The following MTCH2 variants were observed in gnomAD, a reference collection of about 807,000 sequenced individuals.
The protein encoded by MTCH2 is mitochondrial carrier homolog 2.
MTCH2 carries 25 observed loss-of-function variants against 50.6 expected under a neutral mutation model. The ratio of observed to expected loss-of-function variants is 0.49; its 90% CI spans 0.36 to 0.69. MTCH2 has a LOEUF of 0.69. MTCH2 is among the 30% of genes least tolerant of loss of function. The pLI is 0.00. For missense variants in MTCH2, 273 were observed against 384.4 expected, an observed-to-expected ratio of 0.71 and a Z score of 2.42; for synonymous variants, 106 against 132.0, an observed-to-expected ratio of 0.80 and a Z score of 1.35.
At chr11:47,630,000 T>TA (rs1565969020) in intron 8 of MTCH2, among the ~76,000 whole-genome samples, 1 of 152,022 alleles carries the variant, frequency 6.6e-6, no homozygotes, top group Non-Finnish European at 1.5e-5. Flanking sequence ...AGTCCTTTGT[T>TA]AAAAAAAGAA....
At chr11:47,627,549 T>C (rs1284658057) in intron 9 of MTCH2, among the ~76,000 whole-genome samples, 2 of 152,130 alleles carry the variant, frequency 1.3e-5, no homozygotes, top group African/African-American at 2.4e-5. Context: ...GCTGGAATCA[T>C]AGGCTGGAGC....
chr11:47,636,645 T>C (rs914349332), intron 3 of MTCH2, among the ~76,000 whole-genome samples: 4 of 151,776 alleles, frequency 2.6e-5, no homozygotes, highest in Non-Finnish European at 5.9e-5. Flanking sequence ...GGCAGGAGAA[T>C]TGCTTGAACC....
chr11:47,629,587 A>G lies in MTCH2; in HGVS notation c.540-541T>C, dbSNP rs144784697. Among the ~76,000 whole-genome samples the G allele has an allele frequency of 2.0e-5, 3 of 152,234 alleles. No homozygotes were observed. The East Asian group carries it at 5.8e-4, about 29-fold the overall frequency. On this transcript the variant is annotated intron_variant, in intron 8 of 12. Coordinates refer to ENST00000302503, the MANE Select transcript of MTCH2 (RefSeq NM_014342.4). The stretch of plus-strand genomic sequence containing the variant: ...TCCCCACGGATTGAAGACCAGCTTC[A>G]AATGCCAGCTCCAGCACTCAGCAGC...
At chr11:47,641,710 T>C (rs941072509) in intron 1 of MTCH2, among the ~76,000 whole-genome samples, 2 of 152,206 alleles carry the variant, frequency 1.3e-5, no homozygotes, top group African/African-American at 4.8e-5. Context: ...GCTTCACTAA[T>C]TTCCAGCTCT....
the MTCH2 span, among the ~76,000 whole-genome samples, chr11:47,611,203 C>T: frequency 6.6e-6 from 1 of 152,236 alleles, no homozygotes; most frequent in South Asian, 2.1e-4. Context: ...GAACTCTGCC[C>T]AAGCTACTCA....
At chr11:47,637,932 C>T (rs1324816590) in intron 3 of MTCH2, among the ~76,000 whole-genome samples, 3 of 152,140 alleles carry the variant, frequency 2.0e-5, no homozygotes, top group East Asian at 1.9e-4. Flanking sequence ...CTGTCTTCTA[C>T]ATTTCCTGAA....
At chr11:47,635,722 C>G (rs1002928096) in intron 3 of MTCH2, 151 bp from the exon 4 acceptor site, 14 of 658,650 alleles carry the variant, frequency 2.1e-5, no homozygotes, top group Non-Finnish European at 3.5e-5. Context: ...CTTCAGTTAA[C>G]TTCTACTCAT....
downstream of MTCH2, among the ~76,000 whole-genome samples, chr11:47,613,598 T>C (rs1159960998): frequency 2.6e-5 from 4 of 152,222 alleles, no homozygotes; most frequent in African/African-American, 9.6e-5. Flanking sequence ...AACTTAGCTT[T>C]TCATCTATAT....
In MTCH2 at chr11:47,631,719, C is replaced by A. The variant is rs377150975; in HGVS notation, c.370-8G>T. The A allele has an allele frequency of 1.4e-5, 22 of 1,613,874 alleles. No individual in the cohort carries two copies. The highest frequency in any genetic ancestry group is 3.3e-4 in the Middle Eastern group (2 of 6,060). ...GATCATCTCTCGAGTTGTCTAGAAA[C>A]AATCAACACACACTTCTGAAATCTA... On this transcript the variant is annotated splice_polypyrimidine_tract_variant and splice_region_variant and intron_variant, in intron 5 of 12. Coordinates refer to ENST00000302503, the MANE Select transcript of MTCH2 (RefSeq NM_014342.4).
At chr11:47,621,096 T>C (rs1378318721) in intron 12 of MTCH2, among the ~76,000 whole-genome samples, 1 of 152,156 alleles carries the variant, frequency 6.6e-6, no homozygotes, top group Admixed American at 6.5e-5. Flanking sequence ...CACTGTACAA[T>C]AGAGAGTAAA....
intron 8 of MTCH2, 131 bp from the exon 9 acceptor site, chr11:47,629,177 A>C: frequency 1.4e-6 from 1 of 730,344 alleles, no homozygotes; most frequent in Non-Finnish European, 2.3e-6. Flanking sequence ...GGAATCAAAC[A>C]CCAGAATCCA....
At chr11:47,634,881 T>C in intron 4 of MTCH2, 147 bp from the exon 5 acceptor site, 1 of 516,566 alleles carries the variant, frequency 1.9e-6, no homozygotes, top group Non-Finnish European at 3.4e-6. Context: ...CAAGTGCTTC[T>C]CCTGCCTCAG....
chr11:47,640,696 C>T (rs112723021), intron 1 of MTCH2, among the ~76,000 whole-genome samples: 226 of 152,242 alleles, frequency 1.5e-3, no homozygotes, highest in African/African-American at 5.0e-3. Flanking sequence ...GATTTACAGG[C>T]GTGAGCCACC....
intron 12 of MTCH2, among the ~76,000 whole-genome samples, chr11:47,621,504 C>T (rs1184960396): frequency 6.6e-6 from 1 of 151,194 alleles, no homozygotes; most frequent in African/African-American, 2.4e-5. Flanking sequence ...ACAATCTTGG[C>T]TCACTGCAAC....
At chr11:47,631,181 G>A (rs2097302682) in intron 6 of MTCH2, 94 bp from the exon 7 acceptor site, 5 of 990,312 alleles carry the variant, frequency 5.0e-6, no homozygotes, top group Non-Finnish European at 7.8e-6. Flanking sequence ...GGCCGAGGTG[G>A]GCGGATCACC....
intron 5 of MTCH2, among the ~76,000 whole-genome samples, chr11:47,632,935 C>T (rs1453550652): frequency 2.6e-5 from 4 of 151,448 alleles, no homozygotes; most frequent in African/African-American, 4.9e-5. Context: ...TGCCTGACCT[C>T]GTGATCTGCC....
Position 47,618,550 on chromosome 11 carries a change from G to A in MTCH2, c.*283C>T, listed in dbSNP as rs2097290124. 2.7e-6 allele frequency: 1 copy of A among 376,324 alleles called. No homozygotes were observed. Among genetic ancestry groups the A allele is most frequent in the East Asian group, 5.8e-5 (1 of 17,258 alleles). The allele number at this position is 376,324 out of a possible 1,614,324, so 23.3% of individuals were successfully genotyped here. On this transcript the variant is annotated 3_prime_UTR_variant, in exon 13 of 13. Transcript: ENST00000302503. ...AGACTCAAAAATCACATGACAAAGTGCCTGTAGCTTCAGGAAAATACAACT... is the reference window on the plus strand; with the variant it reads ...AGACTCAAAAATCACATGACAAAGTACCTGTAGCTTCAGGAAAATACAACT...
intron 1 of MTCH2, 27 bp from the exon 2 acceptor site, chr11:47,639,078 A>G (rs773866521): frequency 2.0e-6 from 3 of 1,536,730 alleles, no homozygotes; most frequent in South Asian, 1.2e-5. Context: ...ATATATCAAT[A>G]TTAAAGCAAT....
downstream of MTCH2, among the ~76,000 whole-genome samples, chr11:47,615,349 A>G (rs1157111068): frequency 6.6e-6 from 1 of 152,192 alleles, no homozygotes; most frequent in South Asian, 2.1e-4. Context: ...TGTATAAAAC[A>G]TGAACTTGGT....
Sources: allele counts gnomAD v4.1 joint callset (sites outside exome capture counted in the v4.1 genomes callset), GRCh38; gene constraint gnomAD v4.1.1; transcripts MANE v1.5; gene names NCBI Gene and HGNC (gene_info 2026-07-23, HGNC 2026-07-21).